FBXL20: variants seen among roughly 807,000 people sequenced by gnomAD.
The protein encoded by FBXL20 is F-box/LRR-repeat protein 20.
FBXL20 carries 11 observed loss-of-function variants against 64.0 expected under a neutral mutation model. That is an observed-to-expected ratio of 0.17 (90% CI 0.11 to 0.28). The LOEUF (loss-of-function observed/expected upper bound fraction) is 0.28, where lower values mean the gene tolerates loss of function less well. Ranked by LOEUF, FBXL20 falls within the 10% of genes least tolerant of loss-of-function variation. The probability of loss-of-function intolerance (pLI) is 1.00; values close to 1 mark genes in which losing one functional copy is unlikely to be tolerated. For synonymous variants in FBXL20, 184 were observed against 189.0 expected, an observed-to-expected ratio of 0.97 and a Z score of 0.22; for missense variants, 303 against 526.2, an observed-to-expected ratio of 0.58 and a Z score of 4.15.
chr17:39,347,561 TTTAAG>T (rs2047646585), intron 1 of FBXL20, among the ~76,000 whole-genome samples: 1 of 152,232 alleles, frequency 6.6e-6, no homozygotes, highest in Non-Finnish European at 1.5e-5. Context: ...TGTAAATTTG[TTTAAG>T]TTCTTTGTAG....
At chr17:39,396,192 T>C (rs1014321367) in intron 1 of FBXL20, among the ~76,000 whole-genome samples, 8 of 152,090 alleles carry the variant, frequency 5.3e-5, no homozygotes, top group African/African-American at 1.9e-4. Context: ...GATCCTCTGC[T>C]TTTATTCAAA....
At chr17:39,374,287 G>C (rs937702705) in intron 1 of FBXL20, among the ~76,000 whole-genome samples, 2 of 152,016 alleles carry the variant, frequency 1.3e-5, no homozygotes, top group Admixed American at 1.3e-4. Flanking sequence ...CTAGCACTTT[G>C]GGAGGCCAAG....
chr17:39,353,765 GAC>G (rs970181419), intron 1 of FBXL20, among the ~76,000 whole-genome samples: 4 of 151,998 alleles, frequency 2.6e-5, no homozygotes, highest in Non-Finnish European at 5.9e-5. Context: ...TGGGATTACA[GAC>G]ACGCGCCACC....
intron 9 of FBXL20, among the ~76,000 whole-genome samples, chr17:39,275,903 A>G (rs914864473): frequency 1.3e-5 from 2 of 152,134 alleles, no homozygotes; most frequent in Non-Finnish European, 2.9e-5. Context: ...GAACATCCTA[A>G]TTTATAGATA....
Position 39,375,065 on chromosome 17 carries a change from G to A in FBXL20, c.42+26296C>T, listed in dbSNP as rs574403808. The stretch of plus-strand genomic sequence containing the variant: ...CTCCCAAAGTGCTGAGATTACAGGC[G>A]TGAGCCACCGCACCCAGCTGCTACT... On this transcript the variant is annotated intron_variant, in intron 1 of 14. Coordinates refer to ENST00000264658, the MANE Select transcript of FBXL20 (RefSeq NM_032875.3). Among the ~76,000 whole-genome samples, 11 of 152,200 alleles carry A rather than the reference G, an allele frequency of 7.2e-5. 1 individual carries two copies. Among genetic ancestry groups the A allele is most frequent in the Admixed American group, 4.6e-4 (7 of 15,272 alleles).
intron 2 of FBXL20, among the ~76,000 whole-genome samples, chr17:39,307,074 A>C (rs951438080): frequency 6.6e-6 from 1 of 152,218 alleles, no homozygotes; most frequent in Non-Finnish European, 1.5e-5. Flanking sequence ...AATGATGAGC[A>C]GTATCTGAAG....
chr17:39,318,378 G>GA (rs2047317423), intron 2 of FBXL20, among the ~76,000 whole-genome samples: 1 of 152,114 alleles, frequency 6.6e-6, no homozygotes, highest in African/African-American at 2.4e-5. Context: ...CAAGTCCTTG[G>GA]AAAGCCCTTA....
chr17:39,382,442 C>T (rs1005422827), intron 1 of FBXL20, among the ~76,000 whole-genome samples: 106 of 88,222 alleles, frequency 1.2e-3, no homozygotes, highest in Non-Finnish European at 2.2e-3. Flanking sequence ...GACTCCATCT[C>T]AAAAAAAAAA....
chr17:39,374,385 A>T (rs2047947258), intron 1 of FBXL20, among the ~76,000 whole-genome samples: 1 of 151,584 alleles, frequency 6.6e-6, no homozygotes. Context: ...AAAAAAAAAA[A>T]ATTAATCAGG....
intron 6 of FBXL20, among the ~76,000 whole-genome samples, chr17:39,296,513 T>C (rs933130156): frequency 2.8e-5 from 4 of 144,264 alleles, no homozygotes; most frequent in South Asian, 2.1e-4. Flanking sequence ...TGAACCAAGG[T>C]TGCGCCACTG....
At chr17:39,329,818 C>T (rs192401974) in intron 2 of FBXL20, among the ~76,000 whole-genome samples, 3 of 151,832 alleles carry the variant, frequency 2.0e-5, no homozygotes, top group East Asian at 3.9e-4. Context: ...AGCAACATAG[C>T]AAGACCTTGT....
At chr17:39,364,381 G>A (rs1441535132) in intron 1 of FBXL20, among the ~76,000 whole-genome samples, 3 of 152,176 alleles carry the variant, frequency 2.0e-5, no homozygotes, top group Middle Eastern at 3.2e-3. Flanking sequence ...GGGAGGCCAA[G>A]GAGAGTGGAT....
chr17:39,346,833 C>A (rs2047637867), intron 1 of FBXL20, among the ~76,000 whole-genome samples: 2 of 150,302 alleles, frequency 1.3e-5, no homozygotes, highest in South Asian at 4.4e-4. Flanking sequence ...CTAATGCTAT[C>A]TCTCCCCCCT....
Position 39,401,548 on chromosome 17 carries a change from T to C in FBXL20, c.-146A>G. On this transcript the variant is annotated 5_prime_UTR_variant, in exon 1 of 15. Transcript: ENST00000264658. ...CCGTGGGACGGGAACAAGAGACCTCTCGGCTCCGGCTAGGCCTCCACCACC... is the reference window on the plus strand; with the variant it reads ...CCGTGGGACGGGAACAAGAGACCTCCCGGCTCCGGCTAGGCCTCCACCACC... 7.0e-7 allele frequency: 1 copy of C among 1,431,386 alleles called. No individual in the cohort carries two copies. Among genetic ancestry groups the C allele is most frequent in the Non-Finnish European group, 9.1e-7 (1 of 1,102,934 alleles). 88.7% of individuals were successfully genotyped at this position (1,431,386 alleles called of 1,614,324 possible). A position where few individuals can be genotyped will look rare whatever the true frequency, so the allele number is the denominator to read the frequency against.
At chr17:39,393,427 G>C (rs1009208258) in intron 1 of FBXL20, among the ~76,000 whole-genome samples, 13 of 152,132 alleles carry the variant, frequency 8.5e-5, no homozygotes, top group Non-Finnish European at 1.8e-4. Flanking sequence ...TACTACATTT[G>C]ATTAAGTTTG....
intron 1 of FBXL20, among the ~76,000 whole-genome samples, chr17:39,389,660 T>C (rs1008476995): frequency 6.6e-6 from 1 of 151,936 alleles, no homozygotes; most frequent in Admixed American, 6.6e-5. Context: ...CTACTAAAAA[T>C]ACAAAAAATT....
intron 1 of FBXL20, among the ~76,000 whole-genome samples, chr17:39,386,255 G>A (rs8073511): frequency 6.0e-5 from 9 of 150,646 alleles, no homozygotes; most frequent in African/African-American, 1.5e-4. Context: ...TGCAGTGAGC[G>A]GAGATCGCGC....
intron 1 of FBXL20, among the ~76,000 whole-genome samples, chr17:39,357,825 T>A (rs1322048573): frequency 6.6e-6 from 1 of 152,238 alleles, no homozygotes; most frequent in Non-Finnish European, 1.5e-5. Flanking sequence ...TCTGGTACCA[T>A]AGCGTTTCAT....
intron 10 of FBXL20, among the ~76,000 whole-genome samples, chr17:39,274,189 G>A (rs1488680796): frequency 1.3e-5 from 2 of 152,160 alleles, no homozygotes; most frequent in Non-Finnish European, 2.9e-5. Context: ...ATTAGTATTT[G>A]TAAAGCACCT....
Sources: allele counts gnomAD v4.1 joint callset (sites outside exome capture counted in the v4.1 genomes callset), GRCh38; gene constraint gnomAD v4.1.1; transcripts MANE v1.5; gene names NCBI Gene and HGNC (gene_info 2026-07-23, HGNC 2026-07-21).